The following ABCF2 variants were observed in gnomAD, a reference collection of about 807,000 sequenced individuals.
ABCF2 encodes ATP-binding cassette sub-family F member 2.
ABCF2 carries 37 observed loss-of-function variants against 76.9 expected under a neutral mutation model. The ratio of observed to expected loss-of-function variants is 0.48; its 90% CI spans 0.37 to 0.63. ABCF2 has a LOEUF of 0.63. Ranked by LOEUF, ABCF2 falls within the 30% of genes least tolerant of loss-of-function variation. ABCF2 has a pLI of 0.00. For synonymous variants in ABCF2, 299 were observed against 283.7 expected, an observed-to-expected ratio of 1.05 and a Z score of -0.54; for missense variants, 524 against 782.1, an observed-to-expected ratio of 0.67 and a Z score of 3.94.
Position 151,211,487 on chromosome 7 carries a change from T to G in ABCF2, c.*2567A>C. On this transcript the variant is annotated 3_prime_UTR_variant, in exon 15 of 15. Coordinates refer to ENST00000287844, the MANE Select transcript of ABCF2 (RefSeq NM_007189.3). ...TCAATCCAAAACAAGGCACTGCTAA[T>G]TTTAGAAATATGTATTTTGTGGACT... The G allele has an allele frequency of 1.0e-6, 1 of 975,812 alleles. No individual in the cohort carries two copies. Among genetic ancestry groups the G allele is most frequent in the Non-Finnish European group, 1.2e-6 (1 of 821,106 alleles). The allele number at this position is 975,812 out of a possible 1,614,324, so 60.4% of individuals were successfully genotyped here. A position where few individuals can be genotyped will look rare whatever the true frequency, so the allele number is the denominator to read the frequency against.
At chr7:151,222,847 C>T (rs1401377678) in intron 5 of ABCF2, among the ~76,000 whole-genome samples, 1 of 152,002 alleles carries the variant, frequency 6.6e-6, no homozygotes, top group African/African-American at 2.4e-5. Flanking sequence ...AAGGACAGTT[C>T]GAGGCAAGGC....
chr7:151,212,502 ATTT>A lies in ABCF2; in HGVS notation c.*1549_*1551del, dbSNP rs201866568. Reference sequence around the variant, plus strand: ...ATAGGTCTGATGCTCAGCAATCTGAATTTTTTTATTTTTTTGAGACAGTGTCTC... The same window carrying A: ...ATAGGTCTGATGCTCAGCAATCTGAATTTTATTTTTTTGAGACAGTGTCTC... On this transcript the variant is annotated 3_prime_UTR_variant, in exon 15 of 15. Coordinates refer to ENST00000287844, the MANE Select transcript of ABCF2 (RefSeq NM_007189.3). 6 of 985,162 alleles carry A rather than the reference ATTT, an allele frequency of 6.1e-6. No individual in the cohort carries two copies. The highest frequency in any genetic ancestry group is 7.2e-6 in the Non-Finnish European group (6 of 829,816). The allele number at this position is 985,162 out of a possible 1,614,324, so 61.0% of individuals were successfully genotyped here. A position where few individuals can be genotyped will look rare whatever the true frequency, so the allele number is the denominator to read the frequency against.
In ABCF2 at chr7:151,226,450, G is replaced by T. The variant is rs371253607; in HGVS notation, c.9C>A (p.Ser3=). 4.3e-5 allele frequency: 70 copies of T among 1,613,694 alleles called. No homozygotes were observed. The highest frequency in any genetic ancestry group is 5.9e-5 in the Non-Finnish European group (70 of 1,179,942). ...TGGCTGCCTTCTTCTTGGCCAGGTC[G>T]GAGGGCATGATGATGACCCACAGGG... MP[S]DLAKKKAAKK... Residue 3 remains serine (S), a synonymous_variant, in exon 2 of 15, where the codon TCC becomes TCA. Coordinates refer to ENST00000287844, the MANE Select transcript of ABCF2 (RefSeq NM_007189.3).
At chr7:151,226,723 C>A (rs888363172) in intron 1 of ABCF2, 4 of 358,664 alleles carry the variant, frequency 1.1e-5, no homozygotes, top group Admixed American at 4.8e-5. Context: ...ACCAGTCCCC[C>A]ACGGACTGCC....
chr7:151,213,175 A>G lies in ABCF2; in HGVS notation c.*879T>C. 9.1e-6 allele frequency: 9 copies of G among 985,000 alleles called. No homozygotes were observed. The South Asian group carries it at 3.8e-4, about 41-fold the overall frequency. 61.0% of individuals were successfully genotyped at this position (985,000 alleles called of 1,614,324 possible). On this transcript the variant is annotated 3_prime_UTR_variant, in exon 15 of 15. Transcript: ENST00000287844. ...TCTCAAAATAGTCTCTAGACCAGCA[A>G]CAACAGCATCACCTGGAAACTTGCT... is the stretch of plus-strand genomic sequence containing the variant.
At chr7:151,223,617 G>C (rs1251040169) in intron 5 of ABCF2, 61 bp downstream of exon 5, 1 of 1,513,380 alleles carries the variant, frequency 6.6e-7, no homozygotes, top group Non-Finnish European at 8.9e-7. Context: ...CCACTGGAGT[G>C]AACACTAAAC....
At position 151,218,654 on chromosome 7, in the gene ABCF2, G is replaced by A. The variant is rs376119610; in HGVS notation, c.1138-4C>T. 14 of 1,613,832 alleles carry A rather than the reference G, an allele frequency of 8.7e-6. No homozygotes were observed. The highest frequency in any genetic ancestry group is 5.0e-5 in the Admixed American group (3 of 59,986). On this transcript the variant is annotated splice_region_variant and splice_polypyrimidine_tract_variant and intron_variant, in intron 9 of 14. Coordinates refer to ENST00000287844, the MANE Select transcript of ABCF2 (RefSeq NM_007189.3). ...GTGGGAAATAAAATGACAGTGTCTAGGAAGAAAAGAGGGCATTTATCAAGT... is the reference window on the plus strand; with the variant it reads ...GTGGGAAATAAAATGACAGTGTCTAAGAAGAAAAGAGGGCATTTATCAAGT...
In ABCF2 at chr7:151,224,843, C is replaced by T; in HGVS notation, c.300G>A (p.Leu100=). 6.2e-7 allele frequency: 1 copy of T among 1,614,190 alleles called. No individual in the cohort carries two copies. The highest frequency in any genetic ancestry group is 8.5e-7 in the Non-Finnish European group (1 of 1,180,042). The change falls in exon 3 of 15, where the codon CTG becomes CTA. Residue 100 remains leucine, a synonymous_variant. Coordinates refer to ENST00000287844, the MANE Select transcript of ABCF2 (RefSeq NM_007189.3). ...TTAATTCCAGTTTGGTGTCACTGAGCAGCTCTTGACCATGAAAGGTAAGTG... is the reference window on the plus strand; with the variant it reads ...TTAATTCCAGTTTGGTGTCACTGAGTAGCTCTTGACCATGAAAGGTAAGTG... The part of the protein sequence containing the change: ...NLSLTFHGQE[L]LSDTKLELNS...
In ABCF2 at chr7:151,213,884, T is replaced by C. The variant is rs1010548313; in HGVS notation, c.*170A>G. ...AGGAAACAGACAGGTACTGTCCAGC[T>C]GTAGGTAAGAGAGTGCAGCTAAGGC... is the stretch of plus-strand genomic sequence containing the variant. On this transcript the variant is annotated 3_prime_UTR_variant, in exon 15 of 15. Transcript: ENST00000287844. 10 of 1,440,928 alleles carry C rather than the reference T, an allele frequency of 6.9e-6. No individual in the cohort carries two copies. Among genetic ancestry groups the C allele is most frequent in the Non-Finnish European group, 9.1e-6 (10 of 1,104,688 alleles). The allele number at this position is 1,440,928 out of a possible 1,614,324, so 89.3% of individuals were successfully genotyped here.
In ABCF2 at chr7:151,215,093, C is replaced by T. The variant is rs1047686251; in HGVS notation, c.1531-11G>A. Reference sequence around the variant, plus strand: ...CCGGATTGGGCTCACCTGAGTAGAACCGTGACCTACATATAACTTGGCATT... The same window carrying T: ...CCGGATTGGGCTCACCTGAGTAGAATCGTGACCTACATATAACTTGGCATT... On this transcript the variant is annotated splice_polypyrimidine_tract_variant and intron_variant, in intron 13 of 14. Transcript: ENST00000287844. This position sits in a 1 kb window ranked among gnomAD's most constrained non-coding sequence, Gnocchi z 4.6. The T allele has an allele frequency of 5.0e-6, 8 of 1,608,208 alleles. No individual in the cohort carries two copies. Among genetic ancestry groups the T allele is most frequent in the Non-Finnish European group, 6.8e-6 (8 of 1,177,006 alleles).
chr7:151,218,168 T>C lies in ABCF2; in HGVS notation c.1251A>G (p.Glu417=). Residue 417 remains glutamate (E), a synonymous_variant, in exon 11 of 15, where the codon GAA becomes GAG. Coordinates refer to ENST00000287844, the MANE Select transcript of ABCF2 (RefSeq NM_007189.3). ...CTCGTGTGTCAAGGTCAATTCCAAA[T>C]TCTAGATTATTGTAGATGCAAGGCT... The part of the protein sequence containing the change: ...KDGPCIYNNL[E]FGIDLDTRVA... 6.2e-7 allele frequency: 1 copy of C among 1,613,750 alleles called. No homozygotes were observed. The highest frequency in any genetic ancestry group is 1.1e-5 in the South Asian group (1 of 91,072).
intron 11 of ABCF2, among the ~76,000 whole-genome samples, chr7:151,216,824 G>C (rs1008729896): frequency 1.3e-5 from 2 of 152,088 alleles, no homozygotes; most frequent in Non-Finnish European, 2.9e-5. Flanking sequence ...AAAAAACCCA[G>C]TCACTTCTAA....
At chr7:151,223,021 A>G (rs1222809031) in intron 5 of ABCF2, among the ~76,000 whole-genome samples, 1 of 152,092 alleles carries the variant, frequency 6.6e-6, no homozygotes. Flanking sequence ...CGAGGGATAG[A>G]CTCTAAAGCT....
intron 2 of ABCF2, among the ~76,000 whole-genome samples, chr7:151,225,794 G>A (rs1012869872): frequency 6.6e-6 from 1 of 152,188 alleles, no homozygotes; most frequent in Non-Finnish European, 1.5e-5. Context: ...AGGGAAGACG[G>A]TAGTGCCTCA....
chr7:151,212,036 A>G lies in ABCF2; in HGVS notation c.*2018T>C, dbSNP rs182016013. ...TCCTTTTTGAATACTTCTGTCTCCT[A>G]TCTAAATCACAATTTAGCATCTAAT... is the stretch of plus-strand genomic sequence containing the variant. On this transcript the variant is annotated 3_prime_UTR_variant, in exon 15 of 15. Transcript: ENST00000287844. The G allele has an allele frequency of 9.4e-4, 884 of 943,744 alleles. 2 individuals are homozygous for G. Among genetic ancestry groups the G allele is most frequent in the South Asian group, 3.6e-3 (74 of 20,410 alleles). The allele number at this position is 943,744 out of a possible 1,614,324, so 58.5% of individuals were successfully genotyped here.
Position 151,223,856 on chromosome 7 carries a change from A to G in ABCF2, c.551-7T>C. The stretch of plus-strand genomic sequence containing the variant: ...ATGAGCTTCTCACACTCCGCTGTGG[A>G]CAGTGTATGGCCATGAGGCTCCTGG... On this transcript the variant is annotated splice_region_variant and splice_polypyrimidine_tract_variant and intron_variant, in intron 4 of 14. Coordinates refer to ENST00000287844, the MANE Select transcript of ABCF2 (RefSeq NM_007189.3). 6.2e-7 allele frequency: 1 copy of G among 1,611,538 alleles called. No individual in the cohort carries two copies. Among genetic ancestry groups the G allele is most frequent in the Non-Finnish European group, 8.5e-7 (1 of 1,178,264 alleles).
intron 11 of ABCF2, among the ~76,000 whole-genome samples, chr7:151,217,219 G>T (rs1802168986): frequency 6.6e-6 from 1 of 152,132 alleles, no homozygotes; most frequent in African/African-American, 2.4e-5. Flanking sequence ...CCCTGAAGAG[G>T]ACACCATTCC....
intron 6 of ABCF2, 50 bp downstream of exon 6, chr7:151,222,471 A>G: frequency 6.8e-7 from 1 of 1,473,734 alleles, no homozygotes; most frequent in East Asian, 2.3e-5. Context: ...CATTTTCTAG[A>G]TTCCCCCTTT....
intron 1 of ABCF2, chr7:151,226,795 C>G (rs1802382139): frequency 4.8e-6 from 1 of 208,154 alleles, no homozygotes; most frequent in Non-Finnish European, 9.6e-6. Context: ...TGCCCCTCAG[C>G]GGAGGTCTCC....
Sources: gnomAD v4.1 joint callset for allele counts (sites outside exome capture counted in the v4.1 genomes callset) on GRCh38, gnomAD v4.1.1 for gene constraint, Gnocchi (gnomAD v3.1) non-coding constraint, MANE v1.5 for transcripts, NCBI Gene and HGNC (gene_info 2026-07-23, HGNC 2026-07-21) for gene names.